PKDCC: variants seen among roughly 807,000 people sequenced by gnomAD.
PKDCC encodes extracellular tyrosine-protein kinase PKDCC.
PKDCC carries 35 observed loss-of-function variants against 44.7 expected under a neutral mutation model. The observed-to-expected ratio is 0.78, with a 90% CI of 0.60 to 1.04. PKDCC has a LOEUF of 1.04. Among genes scored for constraint, PKDCC ranks in the 50% least tolerant of loss-of-function variants. The probability of loss-of-function intolerance (pLI) is 0.00; values close to 1 mark genes in which losing one functional copy is unlikely to be tolerated. For synonymous variants in PKDCC, 353 were observed against 303.3 expected (o/e 1.16, Z -1.70); for missense variants, 738 against 672.7 (o/e 1.10, Z -1.07).
chr2:42,053,343 CT>C lies in PKDCC; in HGVS notation c.745del (p.Trp249GlyfsTer9), dbSNP rs1440787947. 1 of 1,613,178 alleles carries C rather than the reference CT, an allele frequency of 6.2e-7. No individual in the cohort carries two copies. The highest frequency in any genetic ancestry group is 8.5e-7 in the Non-Finnish European group (1 of 1,179,470). On this transcript the variant is annotated frameshift_variant, in exon 2 of 7. Transcript: ENST00000294964. LOFTEE classifies it high-confidence loss of function. ...VEMIQLLQTS[W>X]EDRFRICLSL... ...AAATGATCCAGCTGCTGCAAACTTC[CT>C]GGGAGGATCGATTCCGAGTGAGCTC... is the stretch of plus-strand genomic sequence containing the variant.
At chr2:42,050,997 AT>A (rs1474247010) in intron 1 of PKDCC, among the ~76,000 whole-genome samples, 1 of 152,142 alleles carries the variant, frequency 6.6e-6, no homozygotes, top group Non-Finnish European at 1.5e-5. Context: ...GTTATTTAAA[AT>A]TTCAAAACCA....
At chr2:42,057,480 AG>A in intron 6 of PKDCC, 86 bp downstream of exon 6, 1 of 1,577,070 alleles carries the variant, frequency 6.3e-7, no homozygotes, top group Non-Finnish European at 8.7e-7. Flanking sequence ...CGGAAGTCAG[AG>A]GGGGTGCTGA....
Position 42,055,636 on chromosome 2 carries a change from C to A in PKDCC, c.1222+243C>A, listed in dbSNP as rs1030467522. 5.8e-6 allele frequency: 3 copies of A among 514,516 alleles called. No homozygotes were observed. The highest frequency in any genetic ancestry group is 7.0e-6 in the Non-Finnish European group (2 of 284,998). 31.9% of individuals were successfully genotyped at this position (514,516 alleles called of 1,614,324 possible). On this transcript the variant is annotated intron_variant, in intron 5 of 6. Coordinates refer to ENST00000294964, the MANE Select transcript of PKDCC (RefSeq NM_138370.3). This position sits in a 1 kb window ranked among gnomAD's most constrained non-coding sequence, Gnocchi z 4.5. Reference sequence around the variant, plus strand: ...GGGGTTGGGCACTGATACCCCTACTCTGGATGGCTCCAAACCCTATCATGT... The same window carrying A: ...GGGGTTGGGCACTGATACCCCTACTATGGATGGCTCCAAACCCTATCATGT...
intron 6 of PKDCC, 50 bp downstream of exon 6, chr2:42,057,444 G>C: frequency 6.2e-7 from 1 of 1,607,528 alleles, no homozygotes; most frequent in Non-Finnish European, 8.5e-7. Flanking sequence ...GACCTCTCTG[G>C]AGGTTGATAG....
chr2:42,050,681 T>C (rs1667949607), intron 1 of PKDCC, among the ~76,000 whole-genome samples: 1 of 152,188 alleles, frequency 6.6e-6, no homozygotes, highest in African/African-American at 2.4e-5. Context: ...TGTGTGACTC[T>C]TTATTGTAGA....
intron 1 of PKDCC, among the ~76,000 whole-genome samples, chr2:42,050,306 A>G (rs935597628): frequency 6.6e-6 from 1 of 152,188 alleles, no homozygotes; most frequent in African/African-American, 2.4e-5. Context: ...TTTCCTTCCC[A>G]GGGACTTTTG....
In PKDCC at chr2:42,057,850, T is replaced by C. The variant is rs921816545; in HGVS notation, c.*162T>C. ...TGTGACCAGGACAAACGTGCAATAATGCCAAATGTTAAAATGTGAGTTTAC... is the reference window on the plus strand; with the variant it reads ...TGTGACCAGGACAAACGTGCAATAACGCCAAATGTTAAAATGTGAGTTTAC... On this transcript the variant is annotated 3_prime_UTR_variant, in exon 7 of 7. Coordinates refer to ENST00000294964, the MANE Select transcript of PKDCC (RefSeq NM_138370.3). 3 of 620,526 alleles carry C rather than the reference T, an allele frequency of 4.8e-6. No individual in the cohort carries two copies. The African/African-American group carries it at 5.5e-5, about 11-fold the overall frequency. 38.4% of individuals were successfully genotyped at this position (620,526 alleles called of 1,614,324 possible). A position where few individuals can be genotyped will look rare whatever the true frequency, so the allele number is the denominator to read the frequency against.
chr2:42,053,927 GCCAACCCCCACAAGCAAAGTTCAGATT>G (rs999863881), intron 2 of PKDCC, 82 bp from the exon 3 acceptor site: 23 of 1,408,866 alleles, frequency 1.6e-5, no homozygotes, highest in Middle Eastern at 2.6e-4. Context: ...GAAGAGAAGT[GCCAACCCCCACAAGCAAAGTTCAGATT>G]CCAAGAGGAG....
chr2:42,048,954 G>A lies in PKDCC; in HGVS notation c.639+116G>A, dbSNP rs1667922874. The A allele has an allele frequency of 7.6e-7, 1 of 1,318,718 alleles. No homozygotes were observed. Among genetic ancestry groups the A allele is most frequent in the Non-Finnish European group, 9.7e-7 (1 of 1,029,910 alleles). The allele number at this position is 1,318,718 out of a possible 1,614,324, so 81.7% of individuals were successfully genotyped here. A position where few individuals can be genotyped will look rare whatever the true frequency, so the allele number is the denominator to read the frequency against. ...GTGCCAGTGACTGCACCCAGGCTAAGCTAGACGCAGAAACCGGACCATGGC... is the reference window on the plus strand; with the variant it reads ...GTGCCAGTGACTGCACCCAGGCTAAACTAGACGCAGAAACCGGACCATGGC... On this transcript the variant is annotated intron_variant, in intron 1 of 6. Transcript: ENST00000294964. The surrounding 1 kb of genome is among the most constrained non-coding windows in gnomAD (Gnocchi z 6.2).
At chr2:42,049,420 G>A (rs1667931468) in intron 1 of PKDCC, among the ~76,000 whole-genome samples, 1 of 152,084 alleles carries the variant, frequency 6.6e-6, no homozygotes, top group Non-Finnish European at 1.5e-5. Flanking sequence ...AAGGGGGCTG[G>A]GGAGCAGGCT....
chr2:42,049,091 C>T (rs766144357), intron 1 of PKDCC, among the ~76,000 whole-genome samples: 1 of 152,142 alleles, frequency 6.6e-6, no homozygotes, highest in Non-Finnish European at 1.5e-5. Flanking sequence ...AGGACAGAGG[C>T]TCCCAAAACT....
rs1346568011 is a variant in PKDCC at position 42,057,797 on chromosome 2, G to T, written c.*109G>T. 1 of 891,170 alleles carries T rather than the reference G, an allele frequency of 1.1e-6. No homozygotes were observed. The highest frequency in any genetic ancestry group is 1.7e-6 in the Non-Finnish European group (1 of 572,390). 55.2% of individuals were successfully genotyped at this position (891,170 alleles called of 1,614,324 possible). A position where few individuals can be genotyped will look rare whatever the true frequency, so the allele number is the denominator to read the frequency against. On this transcript the variant is annotated 3_prime_UTR_variant, in exon 7 of 7. Coordinates refer to ENST00000294964, the MANE Select transcript of PKDCC (RefSeq NM_138370.3). Reference sequence around the variant, plus strand: ...TGCATGTCACCTGGGAACCCCTGCAGACAAAGCTAACATCCCAGACAGACA... The same window carrying T: ...TGCATGTCACCTGGGAACCCCTGCATACAAAGCTAACATCCCAGACAGACA...
Position 42,054,212 on chromosome 2 carries a change from A to T in PKDCC, c.939A>T (p.Ile313=), listed in dbSNP as rs376135288. 2 of 1,604,898 alleles carry T rather than the reference A, an allele frequency of 1.2e-6. No homozygotes were observed. The highest frequency in any genetic ancestry group is 2.7e-5 in the African/African-American group (2 of 74,744). The part of the protein sequence containing the change: ...ETPCAGSTDC[I]LEFPARNFTL... ...CGTGTGCAGGCAGCACCGACTGCAT[A>T]CTCGAGTTTCCGGCCAGGAACTTCA... The change falls in exon 3 of 7, where the codon ATA becomes ATT. Residue 313 remains isoleucine, a synonymous_variant. Coordinates refer to ENST00000294964, the MANE Select transcript of PKDCC (RefSeq NM_138370.3). This position sits in a 1 kb window ranked among gnomAD's most constrained non-coding sequence, Gnocchi z 6.1.
rs1385712895 is a variant in PKDCC, at chr2:42,055,948, G to A, written c.1222+555G>A. Reference sequence around the variant, plus strand: ...GGCAGGGGGAGAATTCTGGCCACTGGTTTCAGGCTGTGGTCCTTCTGCTGA... The same window carrying A: ...GGCAGGGGGAGAATTCTGGCCACTGATTTCAGGCTGTGGTCCTTCTGCTGA... On this transcript the variant is annotated intron_variant, in intron 5 of 6. Transcript: ENST00000294964. The surrounding 1 kb of genome is among the most constrained non-coding windows in gnomAD (Gnocchi z 4.5). Among the ~76,000 whole-genome samples, 2 of 152,162 alleles carry A rather than the reference G, an allele frequency of 1.3e-5. No homozygotes were observed. Among genetic ancestry groups the A allele is most frequent in the African/African-American group, 4.8e-5 (2 of 41,416 alleles).
chr2:42,048,284 G>T lies in PKDCC; in HGVS notation c.85G>T (p.Gly29Cys). The T allele has an allele frequency of 7.8e-7, 1 of 1,273,926 alleles. No individual in the cohort carries two copies. Among genetic ancestry groups the T allele is most frequent in the Non-Finnish European group, 1.0e-6 (1 of 1,004,766 alleles). 78.9% of individuals were successfully genotyped at this position (1,273,926 alleles called of 1,614,324 possible). A position where few individuals can be genotyped will look rare whatever the true frequency, so the allele number is the denominator to read the frequency against. The change falls in exon 1 of 7, where the codon GGC (glycine) becomes TGC (cysteine). Residue 29 changes from glycine to cysteine, a missense_variant. Physicochemically the swap from Gly to Cys is radical, Grantham distance 159. Transcript: ENST00000294964. The surrounding 1 kb of genome is among the most constrained non-coding windows in gnomAD (Gnocchi z 6.2). Reference protein sequence around the residue: ...GSVLNVLFAPGSEPPRPGQSP... With the variant: ...GSVLNVLFAPCSEPPRPGQSP... ...CGTCCTCAACGTGCTCTTCGCTCCGGGCTCGGAGCCTCCGAGGCCAGGCCA... is the reference window on the plus strand; with the variant it reads ...CGTCCTCAACGTGCTCTTCGCTCCGTGCTCGGAGCCTCCGAGGCCAGGCCA...
intron 5 of PKDCC, 104 bp from the exon 6 acceptor site, chr2:42,057,117 A>T: frequency 7.4e-7 from 1 of 1,355,904 alleles, no homozygotes; most frequent in African/African-American, 1.4e-5. Flanking sequence ...TTCAGCTTTC[A>T]CCTAGGAAAT....
Position 42,054,317 on chromosome 2 carries a change from A to G in PKDCC, c.1034+10A>G, listed in dbSNP as rs1190522711. ...TCTATAATGCCTACAGGTGACCTCCACCCCTGACTCGGGAACTCCATCGAA... is the reference window on the plus strand; with the variant it reads ...TCTATAATGCCTACAGGTGACCTCCGCCCCTGACTCGGGAACTCCATCGAA... On this transcript the variant is annotated intron_variant, in intron 3 of 6. Coordinates refer to ENST00000294964, the MANE Select transcript of PKDCC (RefSeq NM_138370.3). The surrounding 1 kb of genome is among the most constrained non-coding windows in gnomAD (Gnocchi z 6.1). 2.5e-6 allele frequency: 4 copies of G among 1,589,106 alleles called. No homozygotes were observed. Among genetic ancestry groups the G allele is most frequent in the Non-Finnish European group, 8.6e-7 (1 of 1,165,444 alleles).
intron 5 of PKDCC, among the ~76,000 whole-genome samples, chr2:42,056,249 G>T (rs1398080937): frequency 6.6e-6 from 1 of 152,108 alleles, no homozygotes; most frequent in African/African-American, 2.4e-5. Flanking sequence ...CAGAGCTGGG[G>T]CTCTCCAGGC....
At chr2:42,057,464 C>A in intron 6 of PKDCC, 70 bp downstream of exon 6, 1 of 1,595,862 alleles carries the variant, frequency 6.3e-7, no homozygotes, top group Non-Finnish European at 8.6e-7. Flanking sequence ...GATAGTGATC[C>A]CCCATCGGAA....
Sources: gnomAD v4.1 joint callset for allele counts (sites outside exome capture counted in the v4.1 genomes callset) on GRCh38, gnomAD v4.1.1 for gene constraint, Gnocchi (gnomAD v3.1) non-coding constraint, MANE v1.5 for transcripts, NCBI Gene and HGNC (gene_info 2026-07-23, HGNC 2026-07-21) for gene names.